GARRE1: variants seen among roughly 807,000 people sequenced by gnomAD.
The protein encoded by GARRE1 is granule associated Rac and RHOG effector 1.
In GARRE1, 49 loss-of-function variants were observed where a neutral mutation model predicts 103.2. That is an observed-to-expected ratio of 0.47 (90% CI 0.38 to 0.60). The LOEUF (loss-of-function observed/expected upper bound fraction) is 0.60. GARRE1 is among the 20% of genes least tolerant of loss of function. GARRE1 has a pLI of 0.00. For synonymous variants in GARRE1, 505 were observed against 532.8 expected (o/e 0.95, Z 0.72); for missense variants, 1,199 against 1,370.5 (o/e 0.87, Z 1.98).
intron 1 of GARRE1, among the ~76,000 whole-genome samples, chr19:34,261,360 C>G (rs1347101031): frequency 6.6e-6 from 1 of 152,092 alleles, no homozygotes; most frequent in African/African-American, 2.4e-5. Flanking sequence ...TATTAGCTCT[C>G]GTTGGTATTC....
chr19:34,260,635 CTCG>C (rs1453318347), intron 1 of GARRE1, among the ~76,000 whole-genome samples: 3 of 152,166 alleles, frequency 2.0e-5, no homozygotes, highest in Admixed American at 6.5e-5. Flanking sequence ...CACCCACTAA[CTCG>C]TCGTTTAGCA....
At chr19:34,316,997 C>T (rs545067743) in intron 2 of GARRE1, among the ~76,000 whole-genome samples, 1 of 152,364 alleles carries the variant, frequency 6.6e-6, no homozygotes, top group East Asian at 1.9e-4. Flanking sequence ...CTTCCTCCAC[C>T]TCATTCTCCC....
intron 1 of GARRE1, among the ~76,000 whole-genome samples, chr19:34,292,947 G>A (rs1164145564): frequency 6.6e-6 from 1 of 152,044 alleles, no homozygotes; most frequent in Non-Finnish European, 1.5e-5. Context: ...GACCTCAAAT[G>A]ATCCTCCCGC....
chr19:34,333,963 C>T (rs2074149424), intron 8 of GARRE1, among the ~76,000 whole-genome samples, 162 bp downstream of exon 8: 1 of 152,180 alleles, frequency 6.6e-6, no homozygotes, highest in Non-Finnish European at 1.5e-5. Flanking sequence ...TGGCATGTGT[C>T]ATGATTATTG....
At position 34,328,131 on chromosome 19, in the gene GARRE1, G is replaced by C. The variant is rs369989539; in HGVS notation, c.1084G>C (p.Asp362His). 6.2e-7 allele frequency: 1 copy of C among 1,613,904 alleles called. No homozygotes were observed. The highest frequency in any genetic ancestry group is 8.5e-7 in the Non-Finnish European group (1 of 1,180,016). ...CGTCTCCTTTAATGAGTCGGCCGCC[G>C]ACAATCTGAAACTTAAGACGGTAGC... ...KGVSFNESAADNLKLKTHTML... is the reference protein window; with the variant it reads ...KGVSFNESAAHNLKLKTHTML... The change falls in exon 6 of 14, where the codon GAC becomes CAC. Residue 362 changes from aspartate (D) to histidine (H), a missense_variant. Asp to His is a moderately conservative substitution (Grantham distance 81). Coordinates refer to ENST00000299505, the MANE Select transcript of GARRE1 (RefSeq NM_014686.5).
chr19:34,270,632 C>A (rs1368848677), intron 1 of GARRE1, among the ~76,000 whole-genome samples: 1 of 152,172 alleles, frequency 6.6e-6, no homozygotes, highest in Admixed American at 6.6e-5. Flanking sequence ...TTCCTCTGAA[C>A]CCATGGCATT....
intron 1 of GARRE1, among the ~76,000 whole-genome samples, chr19:34,291,082 T>A (rs2073915310): frequency 6.6e-6 from 1 of 151,788 alleles, no homozygotes; most frequent in Admixed American, 6.6e-5. Flanking sequence ...AATTTTTGTA[T>A]TTTTTAGTAG....
At chr19:34,320,313 G>A (rs905470934) in intron 3 of GARRE1, among the ~76,000 whole-genome samples, 197 bp downstream of exon 3, 2 of 152,226 alleles carry the variant, frequency 1.3e-5, no homozygotes, top group East Asian at 1.9e-4. Flanking sequence ...CCAGGCACTA[G>A]GATGACAACC....
At position 34,300,314 on chromosome 19, in the gene GARRE1, A is replaced by G. The variant is rs1044896033; in HGVS notation, c.-160A>G. 2 of 661,532 alleles carry G rather than the reference A, an allele frequency of 3.0e-6. No homozygotes were observed. The highest frequency in any genetic ancestry group is 4.9e-6 in the Non-Finnish European group (2 of 405,326). The allele number at this position is 661,532 out of a possible 1,614,324, so 41.0% of individuals were successfully genotyped here. Reference sequence around the variant, plus strand: ...TAATTATATAAACCTGTTGTCTCTCACCTCTACATTGGATCACATGGTCAC... The same window carrying G: ...TAATTATATAAACCTGTTGTCTCTCGCCTCTACATTGGATCACATGGTCAC... On this transcript the variant is annotated 5_prime_UTR_variant, in exon 2 of 14. Transcript: ENST00000299505.
chr19:34,272,425 C>T (rs2073793378), intron 1 of GARRE1, among the ~76,000 whole-genome samples: 1 of 152,130 alleles, frequency 6.6e-6, no homozygotes, highest in East Asian at 1.9e-4. Flanking sequence ...TCTCAAACTC[C>T]TGACCTCAGG....
At chr19:34,352,088 A>T (rs566885103) in intron 13 of GARRE1, among the ~76,000 whole-genome samples, 38 of 146,040 alleles carry the variant, frequency 2.6e-4, no homozygotes, top group Non-Finnish European at 4.1e-4. Flanking sequence ...ACAGAGCGAG[A>T]CTGCCTCTAA....
chr19:34,269,354 G>C (rs1183895034), intron 1 of GARRE1, among the ~76,000 whole-genome samples: 2 of 152,146 alleles, frequency 1.3e-5, no homozygotes, highest in African/African-American at 4.8e-5. Flanking sequence ...GGGTTGACCC[G>C]TGTTGGGGGT....
At chr19:34,290,498 T>C (rs1001447961) in intron 1 of GARRE1, among the ~76,000 whole-genome samples, 8 of 151,624 alleles carry the variant, frequency 5.3e-5, no homozygotes, top group East Asian at 1.9e-4. Flanking sequence ...AAGCCTTTTT[T>C]TCTCTCTCTC....
At chr19:34,301,779 T>G (rs534517793) in intron 2 of GARRE1, among the ~76,000 whole-genome samples, 5 of 148,704 alleles carry the variant, frequency 3.4e-5, no homozygotes, top group Non-Finnish European at 5.9e-5. Context: ...GCCTCCTGGG[T>G]TCATGCCATT....
At chr19:34,338,190 A>G (rs1479247102) in intron 8 of GARRE1, among the ~76,000 whole-genome samples, 1 of 152,214 alleles carries the variant, frequency 6.6e-6, no homozygotes, top group Non-Finnish European at 1.5e-5. Context: ...AGGATCTGGC[A>G]GACATCATCT....
chr19:34,308,269 G>A, intron 2 of GARRE1, among the ~76,000 whole-genome samples: 2 of 124,266 alleles, frequency 1.6e-5, no homozygotes, highest in Non-Finnish European at 1.7e-5. Flanking sequence ...TTGCCCTAAA[G>A]GTAAAAGTAA....
At chr19:34,338,725 C>G (rs369518214) in intron 8 of GARRE1, among the ~76,000 whole-genome samples, 1 of 152,118 alleles carries the variant, frequency 6.6e-6, no homozygotes, top group African/African-American at 2.4e-5. Context: ...ACAGCTGGGA[C>G]AAGGTTGAGG....
intron 2 of GARRE1, among the ~76,000 whole-genome samples, chr19:34,301,817 G>A (rs1367359214): frequency 6.6e-6 from 1 of 150,844 alleles, no homozygotes; most frequent in East Asian, 2.0e-4. Context: ...CTAGTAGCTG[G>A]GACTACAGGC....
intron 2 of GARRE1, among the ~76,000 whole-genome samples, chr19:34,301,204 C>T (rs557037954): frequency 3.3e-5 from 5 of 152,090 alleles, no homozygotes; most frequent in South Asian, 4.2e-4. Flanking sequence ...GAGGCCAAGG[C>T]GGGAAGATCG....
Sources: allele counts gnomAD v4.1 joint callset (sites outside exome capture counted in the v4.1 genomes callset), GRCh38; gene constraint gnomAD v4.1.1; transcripts MANE v1.5; gene names NCBI Gene and HGNC (gene_info 2026-07-23, HGNC 2026-07-21).